Variants in TENT5C observed in about 807,000 individuals in gnomAD.
The protein encoded by TENT5C is terminal nucleotidyltransferase 5C, also known as family with sequence similarity 46 member C.
Under a neutral mutation model 22.2 loss-of-function variants are expected in TENT5C, and 5 were observed. The observed-to-expected ratio is 0.22, with a 90% CI of 0.12 to 0.47. The LOEUF (loss-of-function observed/expected upper bound fraction) is 0.47, where lower values mean the gene tolerates loss of function less well. TENT5C is among the 20% of genes least tolerant of loss of function. TENT5C has a pLI of 0.99. For synonymous variants in TENT5C, 199 were observed against 195.4 expected (o/e 1.02, Z -0.15); for missense variants, 364 against 500.9 (o/e 0.73, Z 2.61).
intron 1 of TENT5C, among the ~76,000 whole-genome samples, chr1:117,615,915 A>G (rs59433039): frequency 0.016 from 2,484 of 152,310 alleles, 73 homozygotes; most frequent in African/African-American, 0.057. Flanking sequence ...ACGGTTACAT[A>G]GTGAACAGAA....
chr1:117,617,051 T>C (rs1653797014), intron 1 of TENT5C, among the ~76,000 whole-genome samples: 2 of 152,190 alleles, frequency 1.3e-5, no homozygotes, highest in Admixed American at 6.5e-5. Context: ...TGTGTGCAAA[T>C]GTTATAAATG....
In TENT5C at chr1:117,624,154, T is replaced by A; in HGVS notation, c.*110T>A. 52 of 804,422 alleles carry A rather than the reference T, an allele frequency of 6.5e-5. No homozygotes were observed. The highest frequency in any genetic ancestry group is 9.5e-5 in the Non-Finnish European group (49 of 516,234). The allele number at this position is 804,422 out of a possible 1,614,324, so 49.8% of individuals were successfully genotyped here. Reference sequence around the variant, plus strand: ...TTTGGCTTTTAAAGGGGAACTCAGCTCTGATTCTGCTTTTTTTTTTTTTTT... The same window carrying A: ...TTTGGCTTTTAAAGGGGAACTCAGCACTGATTCTGCTTTTTTTTTTTTTTT... On this transcript the variant is annotated 3_prime_UTR_variant, in exon 2 of 2. Transcript: ENST00000369448.
rs1489194894 is a variant in TENT5C, at chr1:117,626,268, T to G, written c.*2224T>G. 1.2e-5 allele frequency: 3 copies of G among 247,836 alleles called. No homozygotes were observed. The highest frequency in any genetic ancestry group is 2.5e-5 in the Non-Finnish European group (3 of 118,002). 15.4% of individuals were successfully genotyped at this position (247,836 alleles called of 1,614,324 possible). A position where few individuals can be genotyped will look rare whatever the true frequency, so the allele number is the denominator to read the frequency against. ...AAGGAATTAAATTTCCAGTTTGTCC[T>G]TGGGGTTCTTTCTGCTTATGTTTTT... On this transcript the variant is annotated 3_prime_UTR_variant, in exon 2 of 2. Transcript: ENST00000369448.
chr1:117,622,921 A>G lies in TENT5C; in HGVS notation c.53A>G (p.Asn18Ser), dbSNP rs776635415. 1 of 1,614,196 alleles carries G rather than the reference A, an allele frequency of 6.2e-7. No individual in the cohort carries two copies. The part of the protein sequence containing the change: ...TRDCMSFSVL[N>S]WDQVSRLHEV... ...GATTGCATGTCCTTCAGCGTGCTCA[A>G]CTGGGATCAGGTTAGCCGGCTGCAT... The change falls in exon 2 of 2, where the codon AAC becomes AGC. Residue 18 changes from asparagine (N) to serine (S), a missense_variant. Asn to Ser is a conservative substitution (Grantham distance 46). This residue lies in a region of TENT5C where 303 missense variants were observed against 394.5 expected (regional missense o/e 0.77). Transcript: ENST00000369448.
At position 117,623,251 on chromosome 1, in the gene TENT5C, A is replaced by C; in HGVS notation, c.383A>C (p.Lys128Thr). Reference protein sequence around the residue: ...NFLPEGVNKLKISPVTLKEAY... With the variant: ...NFLPEGVNKLTISPVTLKEAY... ...CTGCCAGAGGGTGTGAACAAGCTCA[A>C]AATCAGTCCAGTCACTCTGAAGGAG... The change falls in exon 2 of 2, where the codon AAA becomes ACA. Residue 128 changes from lysine to threonine, a missense_variant. This residue lies in a region of TENT5C where 303 missense variants were observed against 394.5 expected (regional missense o/e 0.77). Transcript: ENST00000369448. 6.2e-7 allele frequency: 1 copy of C among 1,614,176 alleles called. No homozygotes were observed. Among genetic ancestry groups the C allele is most frequent in the South Asian group, 1.1e-5 (1 of 91,084 alleles).
rs1653967026 is a variant in TENT5C, at chr1:117,624,307, C to CACTA, written c.*266_*269dup. On this transcript the variant is annotated 3_prime_UTR_variant, in exon 2 of 2. Coordinates refer to ENST00000369448, the MANE Select transcript of TENT5C (RefSeq NM_017709.4). The stretch of plus-strand genomic sequence containing the variant: ...CCTATCCACATCTTTCCAAGATAGA[C>CACTA]ACTAACATGTCATGTCCCAAACATT... 1 of 470,640 alleles carries CACTA rather than the reference C, an allele frequency of 2.1e-6. No homozygotes were observed. Among genetic ancestry groups the CACTA allele is most frequent in the Non-Finnish European group, 3.9e-6 (1 of 258,936 alleles). The allele number at this position is 470,640 out of a possible 1,614,324, so 29.2% of individuals were successfully genotyped here. A position where few individuals can be genotyped will look rare whatever the true frequency, so the allele number is the denominator to read the frequency against.
chr1:117,623,794 T>C lies in TENT5C; in HGVS notation c.926T>C (p.Ile309Thr), dbSNP rs372516345. ...EERSKYDYLMILRRVVNESTV... is the reference protein window; with the variant it reads ...EERSKYDYLMTLRRVVNESTV... ...AGAAGCAAGTACGACTACCTCATGA[T>C]CCTTCGCAGGGTGGTGAACGAGAGC... Residue 309 changes from isoleucine (I) to threonine (T), a missense_variant, in exon 2 of 2, where the codon ATC becomes ACC. Transcript: ENST00000369448. The C allele has an allele frequency of 6.2e-7, 1 of 1,614,144 alleles. No individual in the cohort carries two copies. The highest frequency in any genetic ancestry group is 8.5e-7 in the Non-Finnish European group (1 of 1,180,030).
intron 1 of TENT5C, among the ~76,000 whole-genome samples, chr1:117,614,193 G>C (rs1653727064): frequency 6.6e-6 from 1 of 152,138 alleles, no homozygotes; most frequent in Non-Finnish European, 1.5e-5. Context: ...TCCTTAGACT[G>C]CCTCCAAACC....
rs536483139 is a variant in TENT5C, at chr1:117,624,726, GA to G, written c.*691del. The G allele has an allele frequency of 7.7e-4, 187 of 243,538 alleles. No homozygotes were observed. The highest frequency in any genetic ancestry group is 5.9e-3 in the South Asian group (32 of 5,412). The allele number at this position is 243,538 out of a possible 1,614,324, so 15.1% of individuals were successfully genotyped here. Reference sequence around the variant, plus strand: ...AGGAATTGCGAGATATTGCTGAGGGGAAAAAAAAATGACCTTTTCTTGAAAT... The same window carrying G: ...AGGAATTGCGAGATATTGCTGAGGGGAAAAAAAATGACCTTTTCTTGAAAT... On this transcript the variant is annotated 3_prime_UTR_variant, in exon 2 of 2. Transcript: ENST00000369448.
intron 1 of TENT5C, among the ~76,000 whole-genome samples, chr1:117,608,940 G>A (rs1401372766): frequency 6.6e-6 from 1 of 152,098 alleles, no homozygotes; most frequent in Non-Finnish European, 1.5e-5. Flanking sequence ...GGAATGTGAG[G>A]TTACTTGGAA....
At chr1:117,621,023 C>G (rs1653882323) in intron 1 of TENT5C, among the ~76,000 whole-genome samples, 1 of 152,140 alleles carries the variant, frequency 6.6e-6, no homozygotes, top group South Asian at 2.1e-4. Flanking sequence ...TCTACTATCC[C>G]AAATCTGCCT....
At chr1:117,607,279 G>A (rs1408930376) in intron 1 of TENT5C, among the ~76,000 whole-genome samples, 2 of 152,132 alleles carry the variant, frequency 1.3e-5, no homozygotes, top group Non-Finnish European at 1.5e-5. Context: ...CTTCCCCTTC[G>A]CCCTTTTTTG....
At position 117,627,352 on chromosome 1, in the gene TENT5C, G is replaced by A; in HGVS notation, c.*3308G>A. The A allele has an allele frequency of 4.0e-6, 1 of 248,136 alleles. No homozygotes were observed. The highest frequency in any genetic ancestry group is 8.5e-6 in the Non-Finnish European group (1 of 118,114). The allele number at this position is 248,136 out of a possible 1,614,324, so 15.4% of individuals were successfully genotyped here. On this transcript the variant is annotated 3_prime_UTR_variant, in exon 2 of 2. Transcript: ENST00000369448. The stretch of plus-strand genomic sequence containing the variant: ...AACCCCTTACCCTTATGGTACGTCA[G>A]GATTTTAACTAGTACTGCTTTGTTG...
chr1:117,623,014 AG>A lies in TENT5C; in HGVS notation c.148del (p.Asp50ThrfsTer22). The stretch of plus-strand genomic sequence containing the variant: ...TTTCCAACCTTGGAGATAACTCTGA[AG>A]GACATCGTCCAGACCGTCCGCAGTC... ...GNFPTLEITL[K>X]DIVQTVRSRL... On this transcript the variant is annotated frameshift_variant, in exon 2 of 2. Coordinates refer to ENST00000369448, the MANE Select transcript of TENT5C (RefSeq NM_017709.4). LOFTEE classifies it high-confidence loss of function. The A allele has an allele frequency of 6.2e-7, 1 of 1,614,236 alleles. No individual in the cohort carries two copies. Among genetic ancestry groups the A allele is most frequent in the Non-Finnish European group, 8.5e-7 (1 of 1,180,040 alleles).
chr1:117,622,635 A>C (rs1407024457), intron 1 of TENT5C, among the ~76,000 whole-genome samples: 1 of 152,234 alleles, frequency 6.6e-6, no homozygotes, highest in Non-Finnish European at 1.5e-5. Flanking sequence ...GTAATAGAGA[A>C]TGAGTTTGTG....
In TENT5C at chr1:117,626,515, A is replaced by T. The variant is rs1654016448; in HGVS notation, c.*2471A>T. 8.1e-6 allele frequency: 2 copies of T among 247,816 alleles called. No individual in the cohort carries two copies. The highest frequency in any genetic ancestry group is 3.6e-4 in the South Asian group (2 of 5,506). 15.4% of individuals were successfully genotyped at this position (247,816 alleles called of 1,614,324 possible). Reference sequence around the variant, plus strand: ...CACTGACCAAAGCTGTACTTTTAAAACACAACCCCTGGGCTAGTGATGTCT... The same window carrying T: ...CACTGACCAAAGCTGTACTTTTAAATCACAACCCCTGGGCTAGTGATGTCT... On this transcript the variant is annotated 3_prime_UTR_variant, in exon 2 of 2. Transcript: ENST00000369448.
chr1:117,623,553 A>G lies in TENT5C; in HGVS notation c.685A>G (p.Arg229Gly). The change falls in exon 2 of 2, where the codon AGA becomes GGA. Residue 229 changes from arginine (R) to glycine (G), a missense_variant. By Grantham distance (125) the Arg-to-Gly change is moderately radical. This residue lies in a region of TENT5C where 303 missense variants were observed against 394.5 expected (regional missense o/e 0.77). Coordinates refer to ENST00000369448, the MANE Select transcript of TENT5C (RefSeq NM_017709.4). ...GGAAGCTTTTGACCATCTGCAGAAC[A>G]GACTGATCGCCACCAAGAACCCAGA... ...FEEAFDHLQN[R>G]LIATKNPEEI... 1 of 1,614,064 alleles carries G rather than the reference A, an allele frequency of 6.2e-7. No individual in the cohort carries two copies. The highest frequency in any genetic ancestry group is 8.5e-7 in the Non-Finnish European group (1 of 1,180,018).
chr1:117,608,653 T>C (rs911054227), intron 1 of TENT5C, among the ~76,000 whole-genome samples: 1 of 152,198 alleles, frequency 6.6e-6, no homozygotes, highest in Non-Finnish European at 1.5e-5. Flanking sequence ...TTTTTACTGC[T>C]CAAGTACATA....
At chr1:117,606,448 C>T (rs1184072241) in intron 1 of TENT5C, among the ~76,000 whole-genome samples, 1 of 152,208 alleles carries the variant, frequency 6.6e-6, no homozygotes, top group African/African-American at 2.4e-5. Context: ...TGGCAAACTC[C>T]AGCGAGTTCC....
Sources: gnomAD v4.1 joint callset for allele counts (sites outside exome capture counted in the v4.1 genomes callset) on GRCh38, gnomAD v4.1.1 for gene constraint, gnomAD v4.1.1 regional missense constraint, MANE v1.5 for transcripts, NCBI Gene and HGNC (gene_info 2026-07-23, HGNC 2026-07-21) for gene names.